Variants in STAC3 observed in about 807,000 individuals in gnomAD.
The protein encoded by STAC3 is SH3 and cysteine-rich domain-containing protein 3.
Under a neutral mutation model 48.5 loss-of-function variants are expected in STAC3, and 30 were observed. That is an observed-to-expected ratio of 0.62 (90% CI 0.46 to 0.84). The LOEUF is 0.84. Among genes scored for constraint, STAC3 ranks in the 40% least tolerant of loss-of-function variants. The pLI is 0.00. For missense variants in STAC3, 419 were observed against 462.6 expected, an observed-to-expected ratio of 0.91 and a Z score of 0.86; for synonymous variants, 144 against 158.6, an observed-to-expected ratio of 0.91 and a Z score of 0.69.
chr12:57,246,109 C>CAAAAAA lies in STAC3; in HGVS notation c.603+689_603+694dup, dbSNP rs71084732. On this transcript the variant is annotated intron_variant, in intron 6 of 11. Coordinates refer to ENST00000332782, the MANE Select transcript of STAC3 (RefSeq NM_145064.3). ...GGGCAACAAGAGCGAAACTCTATCTCAAAAAAAAAAAAAAAAAAAAAAAGA... is the reference window on the plus strand; with the variant it reads ...GGGCAACAAGAGCGAAACTCTATCTCAAAAAAAAAAAAAAAAAAAAAAAAAAAAAGA... Among the ~76,000 whole-genome samples the CAAAAAA allele has an allele frequency of 7.5e-5, 6 of 80,250 alleles. No individual in the cohort carries two copies. The East Asian group carries it at 1.1e-3, about 14-fold the overall frequency. 52.6% of individuals were successfully genotyped at this position (80,250 alleles called of 152,430 possible).
intron 6 of STAC3, among the ~76,000 whole-genome samples, chr12:57,246,187 G>A (rs1434391349): frequency 6.7e-6 from 1 of 149,960 alleles, no homozygotes; most frequent in Non-Finnish European, 1.5e-5. Flanking sequence ...GAGTATGTTA[G>A]CCCTTCTGGA....
At chr12:57,249,892 AC>A (rs1359050442) in intron 1 of STAC3, among the ~76,000 whole-genome samples, 1 of 152,126 alleles carries the variant, frequency 6.6e-6, no homozygotes, top group Non-Finnish European at 1.5e-5. Flanking sequence ...AGTAGCTGGA[AC>A]ACAAGGTGCA....
intron 5 of STAC3, among the ~76,000 whole-genome samples, chr12:57,247,609 G>A (rs1179436113): frequency 6.6e-6 from 1 of 151,512 alleles, no homozygotes; most frequent in African/African-American, 2.4e-5. Context: ...TAATTTTTGT[G>A]TGTTTTTAGT....
chr12:57,244,673 A>C, intron 8 of STAC3, 51 bp from the exon 9 acceptor site: 1 of 1,597,182 alleles, frequency 6.3e-7, no homozygotes, highest in Non-Finnish European at 8.6e-7. Flanking sequence ...CCCCACACTG[A>C]GGGGCAGGAT....
intron 5 of STAC3, among the ~76,000 whole-genome samples, chr12:57,247,196 G>A (rs2037761655): frequency 6.6e-6 from 1 of 152,128 alleles, no homozygotes; most frequent in South Asian, 2.1e-4. Context: ...TTGCTTGGGA[G>A]CTGAGACATG....
intron 5 of STAC3, among the ~76,000 whole-genome samples, chr12:57,247,419 A>ATTTTTTTTTTTTTTTTTT (rs1360362639): frequency 3.4e-5 from 3 of 88,672 alleles, no homozygotes; most frequent in Admixed American, 1.2e-4. Flanking sequence ...TATTATTATT[A>ATTTTTTTTTTTTTTTTTT]TTATTATTAT....
intron 1 of STAC3, 40 bp downstream of exon 1, chr12:57,250,953 G>T (rs1235228846): frequency 1.0e-5 from 3 of 292,236 alleles, no homozygotes; most frequent in African/African-American, 6.6e-5. Context: ...CAGCTGGGGT[G>T]AGCAGTCGTG....
At chr12:57,246,135 G>T (rs991470361) in intron 6 of STAC3, among the ~76,000 whole-genome samples, 1 of 140,444 alleles carries the variant, frequency 7.1e-6, no homozygotes, top group African/African-American at 2.7e-5. Context: ...AAAAAAAAGA[G>T]CAGCACAATT....
In STAC3 at chr12:57,246,835, T is replaced by A; in HGVS notation, c.572A>T (p.Glu191Val). The A allele has an allele frequency of 6.2e-7, 1 of 1,614,064 alleles. No homozygotes were observed. The highest frequency in any genetic ancestry group is 8.5e-7 in the Non-Finnish European group (1 of 1,179,946). The stretch of plus-strand genomic sequence containing the variant: ...CTTATCTGCCTGTCCCTTCTTCCGT[T>A]CCTTGTTTGCCATGATCACCCCAGT... ...LRTGVIMANK[E>V]RKKGQADKKN... The change falls in exon 6 of 12, where the codon GAA (glutamate) becomes GTA (valine). Residue 191 changes from glutamate (E) to valine (V), a missense_variant. Glu to Val is a moderately radical substitution (Grantham distance 121, BLOSUM62 -2). Coordinates refer to ENST00000332782, the MANE Select transcript of STAC3 (RefSeq NM_145064.3).
intron 5 of STAC3, among the ~76,000 whole-genome samples, chr12:57,247,623 G>T (rs2037782257): frequency 6.6e-6 from 1 of 151,640 alleles, no homozygotes; most frequent in Non-Finnish European, 1.5e-5. Flanking sequence ...TTTTAGTAGA[G>T]ACGGGGTTTC....
chr12:57,244,398 T>A (rs760070851), intron 9 of STAC3, 32 bp from the exon 10 acceptor site: 1 of 1,613,616 alleles, frequency 6.2e-7, no homozygotes, highest in Non-Finnish European at 8.5e-7. Context: ...CTCACTCACA[T>A]AGCAGGTCCC....
chr12:57,248,074 G>C (rs1592247093), intron 5 of STAC3, 52 bp downstream of exon 5: 1 of 1,506,960 alleles, frequency 6.6e-7, no homozygotes, highest in East Asian at 2.3e-5. Flanking sequence ...GAGATGGCAT[G>C]AAACCATCTC....
chr12:57,249,365 G>A, intron 2 of STAC3, 57 bp from the exon 3 acceptor site: 1 of 1,530,846 alleles, frequency 6.5e-7, no homozygotes, highest in Non-Finnish European at 8.8e-7. Flanking sequence ...CCTCTCTAGA[G>A]TAGGGGGGCG....
At position 57,249,047 on chromosome 12, in the gene STAC3, T is replaced by C. The variant is rs1337127044; in HGVS notation, c.328A>G (p.Ile110Val). Residue 110 changes from isoleucine to valine, a missense_variant, in exon 3 of 12, where the codon ATT becomes GTT. By Grantham distance (29) the Ile-to-Val change is conservative (BLOSUM62 3). Coordinates refer to ENST00000332782, the MANE Select transcript of STAC3 (RefSeq NM_145064.3). The part of the protein sequence containing the change: ...PKFCDVCARM[I>V]VLNNKFGLRC... The stretch of plus-strand genomic sequence containing the variant: ...ACTTCCCTTCATGACTCACGAACAA[T>C]CATCCGGGCACAGACATCACAGAAC... 2 of 1,589,344 alleles carry C rather than the reference T, an allele frequency of 1.3e-6. No homozygotes were observed. Among genetic ancestry groups the C allele is most frequent in the African/African-American group, 2.7e-5 (2 of 74,288 alleles).
At chr12:57,248,094 C>T (rs746733691) in intron 5 of STAC3, 32 bp downstream of exon 5, 1 of 1,584,270 alleles carries the variant, frequency 6.3e-7, no homozygotes, top group Non-Finnish European at 8.7e-7. Flanking sequence ...CTAGGCTTGC[C>T]CATTCCCTCA....
chr12:57,248,177 A>G lies in STAC3; in HGVS notation c.454T>C (p.Tyr152His). ...GKIPPGFHRA[Y>H]SSPLYSNQQY... ...TGGTTGCTGTAGAGTGGGGAACTAT[A>G]GGCCCGATGGAAACCAGGTGGCTGT... Residue 152 changes from tyrosine to histidine, a missense_variant, in exon 5 of 12, where the codon TAT (tyrosine) becomes CAT (histidine). Coordinates refer to ENST00000332782, the MANE Select transcript of STAC3 (RefSeq NM_145064.3). 1 of 1,614,126 alleles carries G rather than the reference A, an allele frequency of 6.2e-7. No individual in the cohort carries two copies. Among genetic ancestry groups the G allele is most frequent in the Non-Finnish European group, 8.5e-7 (1 of 1,179,974 alleles).
intron 6 of STAC3, 72 bp from the exon 7 acceptor site, chr12:57,245,283 G>T: frequency 7.5e-7 from 1 of 1,340,912 alleles, no homozygotes; most frequent in Non-Finnish European, 1.1e-6. Context: ...AATCAGGTCA[G>T]AGAACTATAG....
intron 2 of STAC3, 24 bp from the exon 3 acceptor site, chr12:57,249,332 C>T: frequency 6.4e-7 from 1 of 1,552,854 alleles, no homozygotes; most frequent in Non-Finnish European, 8.7e-7. Flanking sequence ...TGAAGAAAAC[C>T]CAATGTTAAA....
chr12:57,249,587 T>C lies in STAC3; in HGVS notation c.50A>G (p.Glu17Gly). 1 of 1,614,082 alleles carries C rather than the reference T, an allele frequency of 6.2e-7. No homozygotes were observed. The highest frequency in any genetic ancestry group is 8.5e-7 in the Non-Finnish European group (1 of 1,180,020). Reference protein sequence around the residue: ...LESPKPSFPAETRQSGLQRLK... With the variant: ...LESPKPSFPAGTRQSGLQRLK... ...CAGACTCACCCCACTTTGCCGAGTCTCTGCTGGGAAGGAGGGCTTAGGGGA... is the reference window on the plus strand; with the variant it reads ...CAGACTCACCCCACTTTGCCGAGTCCCTGCTGGGAAGGAGGGCTTAGGGGA... Residue 17 changes from glutamate (E) to glycine (G), a missense_variant, in exon 2 of 12, where the codon GAG (glutamate) becomes GGG (glycine). Coordinates refer to ENST00000332782, the MANE Select transcript of STAC3 (RefSeq NM_145064.3).
Sources: gnomAD v4.1 joint callset for allele counts (sites outside exome capture counted in the v4.1 genomes callset) on GRCh38, gnomAD v4.1.1 for gene constraint, MANE v1.5 for transcripts, NCBI Gene and HGNC (gene_info 2026-07-23, HGNC 2026-07-21) for gene names.